Variants in RBM25 observed in about 807,000 individuals in gnomAD.
RBM25 encodes the protein RNA binding motif protein 25, also known as RNA-binding protein 25.
Under a neutral mutation model 120.7 loss-of-function variants are expected in RBM25, and 19 were observed. The observed-to-expected ratio is 0.16, with a 90% CI of 0.11 to 0.23. The LOEUF (loss-of-function observed/expected upper bound fraction) is 0.23, where lower values mean the gene tolerates loss of function less well. Ranked by LOEUF, RBM25 falls within the 10% of genes least tolerant of loss-of-function variation. RBM25 has a pLI of 1.00. For synonymous variants in RBM25, 390 were observed against 326.7 expected, an observed-to-expected ratio of 1.19 and a Z score of -2.09; for missense variants, 605 against 1,041.5, an observed-to-expected ratio of 0.58 and a Z score of 5.77.
chr14:73,093,639 T>A (rs1297722444), intron 6 of RBM25, among the ~76,000 whole-genome samples: 1 of 152,034 alleles, frequency 6.6e-6, no homozygotes, highest in Non-Finnish European at 1.5e-5. Flanking sequence ...CTTGAGTAGC[T>A]GGGAGTACAG....
chr14:73,063,184 C>G (rs1895045265), intron 1 of RBM25, among the ~76,000 whole-genome samples: 2 of 150,834 alleles, frequency 1.3e-5, no homozygotes, highest in Non-Finnish European at 3.0e-5. Context: ...GAGTCTGGCT[C>G]TGTCGCCCAG....
At position 73,109,338 on chromosome 14, in the gene RBM25, A is replaced by C; in HGVS notation, c.1542-4A>C. On this transcript the variant is annotated splice_region_variant and splice_polypyrimidine_tract_variant and intron_variant, in intron 13 of 18. Coordinates refer to ENST00000261973, the MANE Select transcript of RBM25 (RefSeq NM_021239.3). ...ATGAAGCCTTTTATCATTCACTTTT[A>C]CAGAGGAAGTGCTCTTCAGAAAAGG... 2 of 1,611,218 alleles carry C rather than the reference A, an allele frequency of 1.2e-6. No homozygotes were observed. The highest frequency in any genetic ancestry group is 1.7e-6 in the Non-Finnish European group (2 of 1,178,750).
Position 73,063,089 on chromosome 14 carries a change from C to T in RBM25, c.-16+4384C>T, listed in dbSNP as rs961665379. 6.6e-5 allele frequency among the ~76,000 whole-genome samples: 10 copies of T among 151,022 alleles called. 1 individual carries two copies. The highest frequency in any genetic ancestry group is 1.5e-4 in the African/African-American group (6 of 41,312). On this transcript the variant is annotated intron_variant, in intron 1 of 18. Coordinates refer to ENST00000261973, the MANE Select transcript of RBM25 (RefSeq NM_021239.3). ...TGCATGCCTTGGCCTCCCAAAACGC[C>T]GGGATTACAGGTATGAGCCACTGCA...
chr14:73,061,811 C>A (rs1273662016), intron 1 of RBM25, among the ~76,000 whole-genome samples: 2 of 151,422 alleles, frequency 1.3e-5, no homozygotes, highest in African/African-American at 4.8e-5. Context: ...AAGGATCCAC[C>A]TGCCTCGTCC....
intron 2 of RBM25, among the ~76,000 whole-genome samples, chr14:73,074,208 G>A (rs1183381667): frequency 1.3e-5 from 2 of 152,076 alleles, no homozygotes; most frequent in Admixed American, 1.3e-4. Flanking sequence ...GCAGTTCTGG[G>A]TTTTAATTTT....
rs774280905 is a variant in RBM25, at chr14:73,110,987, C to A, written c.1849C>A (p.Leu617Met). ...GCAAAAGCCTTGTCTGAAACCTACT[C>A]TGAGGCCCATCAGCTCTGCTCCATC... is the stretch of plus-strand genomic sequence containing the variant. Reference protein sequence around the residue: ...PEQKPCLKPTLRPISSAPSVS... With the variant: ...PEQKPCLKPTMRPISSAPSVS... The change falls in exon 15 of 19, where the codon CTG becomes ATG. Residue 617 changes from leucine to methionine, a missense_variant. This residue lies in a region of RBM25 where 465 missense variants were observed against 741.6 expected (regional missense o/e 0.63). Coordinates refer to ENST00000261973, the MANE Select transcript of RBM25 (RefSeq NM_021239.3). 6 of 1,613,814 alleles carry A rather than the reference C, an allele frequency of 3.7e-6. No homozygotes were observed. The highest frequency in any genetic ancestry group is 5.1e-6 in the Non-Finnish European group (6 of 1,179,906).
In RBM25 at chr14:73,123,380, A is replaced by G. The variant is rs1372578986; in HGVS notation, c.*3575A>G. Reference sequence around the variant, plus strand: ...ACAGGTTTTATGATATCCCCAATTTATACCCAAAAGACTGCTGAGAGGTTT... The same window carrying G: ...ACAGGTTTTATGATATCCCCAATTTGTACCCAAAAGACTGCTGAGAGGTTT... On this transcript the variant is annotated 3_prime_UTR_variant, in exon 19 of 19. Coordinates refer to ENST00000261973, the MANE Select transcript of RBM25 (RefSeq NM_021239.3). 6.6e-6 allele frequency: 1 copy of G among 152,188 alleles called. No homozygotes were observed. Among genetic ancestry groups the G allele is most frequent in the African/African-American group, 2.4e-5 (1 of 41,440 alleles). 9.4% of individuals were successfully genotyped at this position (152,188 alleles called of 1,614,324 possible).
chr14:73,098,651 A>T (rs1004781151), intron 7 of RBM25, among the ~76,000 whole-genome samples: 1 of 150,946 alleles, frequency 6.6e-6, no homozygotes, highest in Non-Finnish European at 1.5e-5. Flanking sequence ...TCCCGCCCCT[A>T]CCCCCACCCA....
chr14:73,092,895 G>C (rs1895850700), intron 6 of RBM25, among the ~76,000 whole-genome samples: 1 of 152,090 alleles, frequency 6.6e-6, no homozygotes, highest in African/African-American at 2.4e-5. Context: ...AGAATTTTGC[G>C]CATGTGTAAG....
At chr14:73,068,111 T>C in intron 1 of RBM25, 1 of 727,210 alleles carries the variant, frequency 1.4e-6, no homozygotes, top group Non-Finnish European at 2.3e-6. Context: ...CTTTACCTCG[T>C]TCACAGACAG....
intron 5 of RBM25, among the ~76,000 whole-genome samples, chr14:73,083,888 G>A (rs1005422374): frequency 6.6e-6 from 1 of 151,690 alleles, no homozygotes; most frequent in Non-Finnish European, 1.5e-5. Context: ...AGACAATCAT[G>A]GCCTGTTAAC....
chr14:73,059,093 C>T (rs576334431), intron 1 of RBM25, among the ~76,000 whole-genome samples: 1 of 152,106 alleles, frequency 6.6e-6, no homozygotes, highest in Non-Finnish European at 1.5e-5. Context: ...TACCGGAGCC[C>T]CACAGTAGGT....
At chr14:73,111,250 G>A in intron 15 of RBM25, 95 bp downstream of exon 15, 1 of 1,107,318 alleles carries the variant, frequency 9.0e-7, no homozygotes, top group Non-Finnish European at 1.3e-6. Flanking sequence ...ATTTGTGCTT[G>A]GTTAGGTAGA....
chr14:73,074,368 T>TG, intron 2 of RBM25, among the ~76,000 whole-genome samples: 1 of 152,252 alleles, frequency 6.6e-6, no homozygotes, highest in East Asian at 1.9e-4. Context: ...TATAGATGTG[T>TG]GCCACCATGA....
intron 1 of RBM25, among the ~76,000 whole-genome samples, chr14:73,063,292 G>A (rs539356766): frequency 3.3e-5 from 5 of 151,246 alleles, no homozygotes; most frequent in Non-Finnish European, 7.4e-5. Context: ...TGGGACTACA[G>A]GCGCCTGCCA....
Position 73,111,088 on chromosome 14 carries a change from T to C in RBM25, c.1950T>C (p.His650=). 6.2e-7 allele frequency: 1 copy of C among 1,614,192 alleles called. No individual in the cohort carries two copies. Among genetic ancestry groups the C allele is most frequent in the Non-Finnish European group, 8.5e-7 (1 of 1,180,034 alleles). Residue 650 remains histidine (H), a synonymous_variant, in exon 15 of 19, where the codon CAT becomes CAC. Transcript: ENST00000261973. ...CTCCCTGTGGTATTATTATTCCTCATGAAAACTCACCAGATCAACAGCAAC... is the reference window on the plus strand; with the variant it reads ...CTCCCTGTGGTATTATTATTCCTCACGAAAACTCACCAGATCAACAGCAAC... The part of the protein sequence containing the change: ...DESPCGIIIP[H]ENSPDQQQPE...
At position 73,110,840 on chromosome 14, in the gene RBM25, G is replaced by C; in HGVS notation, c.1702G>C (p.Glu568Gln). 3.7e-6 allele frequency: 6 copies of C among 1,607,724 alleles called. No homozygotes were observed. Among genetic ancestry groups the C allele is most frequent in the Non-Finnish European group, 5.1e-6 (6 of 1,178,342 alleles). Residue 568 changes from glutamate (E) to glutamine (Q), a missense_variant, in exon 15 of 19, where the codon GAG becomes CAG. Physicochemically the swap from Glu to Gln is conservative, Grantham distance 29. This residue lies in a region of RBM25 where 465 missense variants were observed against 741.6 expected (regional missense o/e 0.63). Coordinates refer to ENST00000261973, the MANE Select transcript of RBM25 (RefSeq NM_021239.3). ...ATTGTTTGGGTTTTAGATGGAACAA[G>C]AGGCTGAGAGGCGCAGGCAGCCACA... ...PDAELQRMEQ[E>Q]AERRRQPQIK... is the part of the protein sequence containing the mutation.
intron 18 of RBM25, among the ~76,000 whole-genome samples, chr14:73,117,546 A>G (rs1388875405): frequency 2.6e-5 from 4 of 152,042 alleles, no homozygotes; most frequent in Admixed American, 2.0e-4. Flanking sequence ...CCAGGTATTT[A>G]TTAAGCACTT....
chr14:73,085,312 C>T lies in RBM25; in HGVS notation c.382+1761C>T, dbSNP rs145314152. Among the ~76,000 whole-genome samples the T allele has an allele frequency of 2.9e-3, 428 of 149,164 alleles. 21 individuals are homozygous for T. Among genetic ancestry groups the T allele is most frequent in the Middle Eastern group, 0.012 (3 of 256 alleles). On this transcript the variant is annotated intron_variant, in intron 5 of 18. Coordinates refer to ENST00000261973, the MANE Select transcript of RBM25 (RefSeq NM_021239.3). The stretch of plus-strand genomic sequence containing the variant: ...GATTACAGACGTGAGCCACCGCGCC[C>T]GGCCTCATCAGTAGTCTGTTTTGAA...
Sources: allele counts gnomAD v4.1 joint callset (sites outside exome capture counted in the v4.1 genomes callset), GRCh38; gene constraint gnomAD v4.1.1; regional missense constraint gnomAD v4.1.1; transcripts MANE v1.5; gene names NCBI Gene and HGNC (gene_info 2026-07-23, HGNC 2026-07-21).